The following ANKRD30B variants were observed in gnomAD, a reference collection of about 807,000 sequenced individuals.
ANKRD30B encodes ankyrin repeat domain-containing protein 30B.
In ANKRD30B, 144 loss-of-function variants were observed where a neutral mutation model predicts 202.2. The ratio of observed to expected loss-of-function variants is 0.71; its 90% CI spans 0.62 to 0.82. The LOEUF (loss-of-function observed/expected upper bound fraction) is 0.82, where lower values mean the gene tolerates loss of function less well. Ranked by LOEUF, ANKRD30B falls within the 40% of genes least tolerant of loss-of-function variation. The pLI is 0.00. For synonymous variants in ANKRD30B, 508 were observed against 561.3 expected, an observed-to-expected ratio of 0.91 and a Z score of 1.34; for missense variants, 1,487 against 1,669.1, an observed-to-expected ratio of 0.89 and a Z score of 1.90.
chr18:14,891,966 G>A, the ANKRD30B span, among the ~76,000 whole-genome samples: 1 of 152,202 alleles, frequency 6.6e-6, no homozygotes, highest in African/African-American at 2.4e-5. Context: ...GTATCAGTTA[G>A]GTTGGTGCAA....
At chr18:14,929,846 C>T in the ANKRD30B span, among the ~76,000 whole-genome samples, 6 of 151,904 alleles carry the variant, frequency 3.9e-5, no homozygotes, top group Admixed American at 6.6e-5. Flanking sequence ...AATAGATAAA[C>T]GAAGGTGGTG....
chr18:14,800,386 G>T (rs1043315695), intron 22 of ANKRD30B, among the ~76,000 whole-genome samples: 1 of 150,730 alleles, frequency 6.6e-6, no homozygotes, highest in Non-Finnish European at 1.5e-5. Context: ...GAGCAGTGGT[G>T]TGATCTTGGC....
At chr18:14,815,668 A>G (rs1325511756) in intron 30 of ANKRD30B, among the ~76,000 whole-genome samples, 1 of 152,196 alleles carries the variant, frequency 6.6e-6, no homozygotes, top group Non-Finnish European at 1.5e-5. Flanking sequence ...AAAATTCTGA[A>G]TTTATTGCTT....
At chr18:14,754,812 TA>T (rs1914070016) in intron 3 of ANKRD30B, 86 bp from the exon 4 acceptor site, 2 of 907,832 alleles carry the variant, frequency 2.2e-6, no homozygotes, top group Non-Finnish European at 1.5e-6. Context: ...TTTATGTGTT[TA>T]AGTTAATAGG....
chr18:14,769,501 C>T (rs1235240814), intron 8 of ANKRD30B, 128 bp downstream of exon 8: 2 of 671,172 alleles, frequency 3.0e-6, no homozygotes, highest in Non-Finnish European at 4.9e-6. Flanking sequence ...TATCATCTCA[C>T]ATAGTCATCA....
intron 20 of ANKRD30B, among the ~76,000 whole-genome samples, chr18:14,798,509 A>G (rs1229016577): frequency 6.6e-6 from 1 of 152,210 alleles, no homozygotes; most frequent in Non-Finnish European, 1.5e-5. Context: ...CAATCCATAG[A>G]AACAGGATGT....
At chr18:14,893,542 C>T in the ANKRD30B span, among the ~76,000 whole-genome samples, 8 of 151,640 alleles carry the variant, frequency 5.3e-5, no homozygotes, top group South Asian at 6.2e-4. Context: ...ACCTGGGATG[C>T]GGAGGTTGCA....
At chr18:14,909,078 G>A in the ANKRD30B span, among the ~76,000 whole-genome samples, 1 of 152,186 alleles carries the variant, frequency 6.6e-6, no homozygotes, top group East Asian at 1.9e-4. Context: ...GACTGACAAA[G>A]TCTGCACCTG....
At chr18:14,896,136 ATT>A in the ANKRD30B span, among the ~76,000 whole-genome samples, 7 of 140,660 alleles carry the variant, frequency 5.0e-5, no homozygotes, top group Admixed American at 2.9e-4. Context: ...TTATCTGCTC[ATT>A]TTTTTTTTTT....
chr18:14,855,322 T>A (rs1972050314), downstream of ANKRD30B, among the ~76,000 whole-genome samples: 1 of 152,218 alleles, frequency 6.6e-6, no homozygotes, highest in Non-Finnish European at 1.5e-5. Flanking sequence ...ACAGACACAG[T>A]AACAATCTGA....
chr18:14,765,260 C>T (rs772566631), intron 7 of ANKRD30B, among the ~76,000 whole-genome samples: 6 of 151,900 alleles, frequency 3.9e-5, no homozygotes, highest in East Asian at 1.9e-4. Context: ...GGAGTTCGTT[C>T]GAGAACAGCT....
chr18:14,901,739 T>C, the ANKRD30B span, among the ~76,000 whole-genome samples: 1 of 152,216 alleles, frequency 6.6e-6, no homozygotes, highest in South Asian at 2.1e-4. Context: ...TCAATAAGAA[T>C]TTGCTCTCTT....
intron 14 of ANKRD30B, among the ~76,000 whole-genome samples, chr18:14,786,526 C>T (rs1178960026): frequency 6.6e-6 from 1 of 152,242 alleles, no homozygotes; most frequent in East Asian, 1.9e-4. Context: ...ACTGTCATAG[C>T]ATATTGAAAT....
In ANKRD30B at chr18:14,851,575, G is replaced by A; in HGVS notation, c.3631G>A (p.Ala1211Thr). The change falls in exon 42 of 44, where the codon GCC (alanine) becomes ACC (threonine). Residue 1211 changes from alanine (A) to threonine (T), a missense_variant. Coordinates refer to ENST00000690538, the MANE Select transcript of ANKRD30B (RefSeq NM_001367607.2). Reference protein sequence around the residue: ...HENCMLKKEIAMLKLEVATLK... With the variant: ...HENCMLKKEITMLKLEVATLK... The stretch of plus-strand genomic sequence containing the variant: ...AAATTGCATGTTGAAAAAGGAAATT[G>A]CCATGCTAAAACTGGAAGTAGCCAC... The A allele has an allele frequency of 1.3e-6, 2 of 1,595,518 alleles. No homozygotes were observed. The highest frequency in any genetic ancestry group is 1.7e-6 in the Non-Finnish European group (2 of 1,174,574).
intron 16 of ANKRD30B, among the ~76,000 whole-genome samples, chr18:14,795,592 A>T (rs1401311325): frequency 1.3e-5 from 2 of 152,206 alleles, no homozygotes; most frequent in Non-Finnish European, 2.9e-5. Context: ...TAAATGTAAA[A>T]ATACTCCTAT....
At chr18:14,873,033 A>G in the ANKRD30B span, among the ~76,000 whole-genome samples, 1 of 152,126 alleles carries the variant, frequency 6.6e-6, no homozygotes, top group African/African-American at 2.4e-5. Flanking sequence ...ATATAATTGA[A>G]AGAGGAATGG....
Position 14,852,232 on chromosome 18 carries a change from A to G in ANKRD30B, c.4288A>G (p.Arg1430Gly). 1 of 1,573,802 alleles carries G rather than the reference A, an allele frequency of 6.4e-7. No individual in the cohort carries two copies. Residue 1430 changes from arginine (R) to glycine (G), a missense_variant, in exon 42 of 44, where the codon AGG (arginine) becomes GGG (glycine). Around this residue, in one of 6 missense-constraint regions of ANKRD30B, gnomAD observed 182 missense variants for 216.0 expected, o/e 0.84. Transcript: ENST00000690538. ...QKLFQLESKN[R>G]WLRQQLVYAH... ...ATTATTTCAACTAGAAAGCAAAAATAGGTGGCTTCGACAGCAATTAGTTTA... is the reference window on the plus strand; with the variant it reads ...ATTATTTCAACTAGAAAGCAAAAATGGGTGGCTTCGACAGCAATTAGTTTA...
At chr18:14,829,878 G>A (rs931914049) in intron 33 of ANKRD30B, among the ~76,000 whole-genome samples, 51 of 152,202 alleles carry the variant, frequency 3.4e-4, no homozygotes, top group African/African-American at 1.2e-3. Flanking sequence ...ATTGAAGGTT[G>A]CTGAATTACA....
chr18:14,894,408 A>G, the ANKRD30B span, among the ~76,000 whole-genome samples: 1 of 152,120 alleles, frequency 6.6e-6, no homozygotes, highest in African/African-American at 2.4e-5. Context: ...TTAGTGTCTC[A>G]CTACACAGAA....
Sources: gnomAD v4.1 joint callset for allele counts (sites outside exome capture counted in the v4.1 genomes callset) on GRCh38, gnomAD v4.1.1 for gene constraint, gnomAD v4.1.1 regional missense constraint, MANE v1.5 for transcripts, NCBI Gene and HGNC (gene_info 2026-07-23, HGNC 2026-07-21) for gene names.